The following SSPN variants were observed in gnomAD, a reference collection of about 807,000 sequenced individuals.
The protein encoded by SSPN is sarcospan.
In SSPN, 15 loss-of-function variants were observed where a neutral mutation model predicts 19.1. That is an observed-to-expected ratio of 0.78 (90% CI 0.52 to 1.21). The LOEUF is 1.21. SSPN is among the 50% of genes most tolerant of loss of function. The pLI is 0.00. For synonymous variants in SSPN, 147 were observed against 140.3 expected, an observed-to-expected ratio of 1.05 and a Z score of -0.34; for missense variants, 291 against 314.0, an observed-to-expected ratio of 0.93 and a Z score of 0.55.
intron 1 of SSPN, among the ~76,000 whole-genome samples, chr12:26,176,248 A>G (rs181191028): frequency 3.9e-5 from 6 of 152,344 alleles, no homozygotes; most frequent in Admixed American, 3.9e-4. Flanking sequence ...AATTATTCTA[A>G]TGAAATAATT....
chr12:26,168,799 G>A (rs1944636419), intron 1 of SSPN, among the ~76,000 whole-genome samples: 1 of 152,204 alleles, frequency 6.6e-6, no homozygotes, highest in Admixed American at 6.5e-5. Context: ...TGATTGGTTA[G>A]ATGGAGGGCA....
intron 1 of SSPN, among the ~76,000 whole-genome samples, chr12:26,163,657 G>T (rs1434813500): frequency 6.6e-6 from 1 of 152,158 alleles, no homozygotes; most frequent in African/African-American, 2.4e-5. Context: ...AGAGGGAGCA[G>T]CAGTCATGGC....
chr12:26,225,725 A>G (rs1281133915), intron 2 of SSPN, among the ~76,000 whole-genome samples: 1 of 145,850 alleles, frequency 6.9e-6, no homozygotes, highest in African/African-American at 2.6e-5. Flanking sequence ...AGGTTTGACT[A>G]AACAGCAAGG....
intron 1 of SSPN, among the ~76,000 whole-genome samples, chr12:26,184,392 C>T (rs2137445066): frequency 6.6e-6 from 1 of 152,154 alleles, no homozygotes; most frequent in East Asian, 1.9e-4. Context: ...TTACAGAATC[C>T]AAAACTATAT....
intron 1 of SSPN, among the ~76,000 whole-genome samples, chr12:26,145,711 C>A (rs1247643838): frequency 6.6e-6 from 1 of 152,212 alleles, no homozygotes; most frequent in Non-Finnish European, 1.5e-5. Context: ...ATGGCGCCAC[C>A]ACCATGGCCT....
chr12:26,204,865 C>T (rs1228822363), intron 1 of SSPN, among the ~76,000 whole-genome samples: 1 of 152,130 alleles, frequency 6.6e-6, no homozygotes, highest in Non-Finnish European at 1.5e-5. Context: ...AACAATTGGT[C>T]CAATCTCAGT....
chr12:26,178,786 C>T (rs1170240024), intron 1 of SSPN, among the ~76,000 whole-genome samples: 3 of 152,208 alleles, frequency 2.0e-5, no homozygotes, highest in African/African-American at 7.2e-5. Flanking sequence ...CCAGCAAGAG[C>T]AGCTGGTCTA....
rs565591188 is a variant in SSPN at position 26,156,250 on chromosome 12, T to G, written c.-31+34098T>G. 1.8e-3 allele frequency among the ~76,000 whole-genome samples: 267 copies of G among 152,314 alleles called. 9 individuals carry two copies. The South Asian group carries it at 0.055, about 31-fold the overall frequency. ...GATACAAGTTCAGAGAAGTCACCGT[T>G]AATCACGTAGCTCACAAATACCAGA... On this transcript the variant is annotated intron_variant, in intron 1 of 2. Transcript: ENST00000538142.
At chr12:26,122,205 TCG>T in intron 1 of SSPN, 1 of 1,382,224 alleles carries the variant, frequency 7.2e-7, no homozygotes, top group Non-Finnish European at 9.3e-7. Context: ...GGGCGCCACC[TCG>T]TGCGGCAGGA....
At chr12:26,137,308 C>G (rs1288049801) in intron 1 of SSPN, among the ~76,000 whole-genome samples, 1 of 152,112 alleles carries the variant, frequency 6.6e-6, no homozygotes, top group Non-Finnish European at 1.5e-5. Flanking sequence ...AATGGCCTCC[C>G]AAAAACCCAG....
At chr12:26,187,131 G>A (rs1310282313) in intron 1 of SSPN, among the ~76,000 whole-genome samples, 5 of 152,220 alleles carry the variant, frequency 3.3e-5, no homozygotes, top group East Asian at 3.8e-4. Context: ...CTAGTGGAAG[G>A]GTTCTGATTC....
chr12:26,122,617 C>T (rs1944321205), intron 1 of SSPN: 4 of 1,159,214 alleles, frequency 3.5e-6, no homozygotes, highest in African/African-American at 1.7e-5. Flanking sequence ...GCGGCTGCCG[C>T]CGCCGCCGCG....
upstream of SSPN, among the ~76,000 whole-genome samples, chr12:26,191,833 C>T (rs1185884884): frequency 6.6e-6 from 1 of 152,118 alleles, no homozygotes; most frequent in Non-Finnish European, 1.5e-5. Flanking sequence ...TTGTTTTCTG[C>T]AGAGTATTTG....
At position 26,230,758 on chromosome 12, in the gene SSPN, G is replaced by A; in HGVS notation, c.414G>A (p.Leu138=). Reference sequence around the variant, plus strand: ...CCCTGGGCCTGACGGTCTGTGTGCTGGCCGTGGCCTTTGCCGCCCACCACT... The same window carrying A: ...CCCTGGGCCTGACGGTCTGTGTGCTAGCCGTGGCCTTTGCCGCCCACCACT... ...LSALGLTVCV[L]AVAFAAHHYS... Residue 138 remains leucine (L), a synonymous_variant, in exon 3 of 3, where the codon CTG becomes CTA. Transcript: ENST00000242729. 6.2e-7 allele frequency: 1 copy of A among 1,614,166 alleles called. No homozygotes were observed. Among genetic ancestry groups the A allele is most frequent in the Non-Finnish European group, 8.5e-7 (1 of 1,180,034 alleles).
At chr12:26,140,063 C>T (rs539237935) in intron 1 of SSPN, among the ~76,000 whole-genome samples, 1 of 152,244 alleles carries the variant, frequency 6.6e-6, no homozygotes, top group East Asian at 1.9e-4. Context: ...ATTTATGTTT[C>T]CATCTCTGCT....
intron 1 of SSPN, among the ~76,000 whole-genome samples, chr12:26,132,121 T>C (rs1035452202): frequency 1.3e-5 from 2 of 152,166 alleles, no homozygotes; most frequent in African/African-American, 4.8e-5. Flanking sequence ...CCATTCTAGC[T>C]GACTTGGAAT....
intron 1 of SSPN, among the ~76,000 whole-genome samples, chr12:26,198,690 C>T (rs1295020145): frequency 6.6e-6 from 1 of 152,166 alleles, no homozygotes; most frequent in Non-Finnish European, 1.5e-5. Flanking sequence ...GTTTTGCCGT[C>T]TCACCTTTCT....
intron 1 of SSPN, among the ~76,000 whole-genome samples, chr12:26,213,289 A>T (rs1591886358): frequency 6.6e-6 from 1 of 152,128 alleles, no homozygotes; most frequent in African/African-American, 2.4e-5. Flanking sequence ...CAGGAAAAGA[A>T]GTTTTATAAC....
chr12:26,133,693 C>T (rs2137398674), intron 1 of SSPN, among the ~76,000 whole-genome samples: 1 of 152,318 alleles, frequency 6.6e-6, no homozygotes, highest in African/African-American at 2.4e-5. Flanking sequence ...AGGAGCTTGT[C>T]CAGAAGCTAC....
Sources: allele counts gnomAD v4.1 joint callset (sites outside exome capture counted in the v4.1 genomes callset), GRCh38; gene constraint gnomAD v4.1.1; transcripts MANE v1.5; gene names NCBI Gene and HGNC (gene_info 2026-07-23, HGNC 2026-07-21).